ST6GALNAC3: variants seen among roughly 807,000 people sequenced by gnomAD.
ST6GALNAC3 encodes alpha-N-acetylgalactosaminide alpha-2,6-sialyltransferase 3.
A neutral mutation model predicts 32.7 loss-of-function variants in ST6GALNAC3; 25 were observed. That is an observed-to-expected ratio of 0.76 (90% CI 0.56 to 1.07). The LOEUF (loss-of-function observed/expected upper bound fraction) is 1.07. Ranked by LOEUF, ST6GALNAC3 falls within the 50% of genes least tolerant of loss-of-function variation. The pLI is 0.00. For missense variants in ST6GALNAC3, 355 were observed against 382.4 expected, an observed-to-expected ratio of 0.93 and a Z score of 0.60; for synonymous variants, 129 against 133.1, an observed-to-expected ratio of 0.97 and a Z score of 0.21.
At chr1:76,487,355 A>C (rs1001148722) in intron 3 of ST6GALNAC3, among the ~76,000 whole-genome samples, 8 of 152,174 alleles carry the variant, frequency 5.3e-5, no homozygotes, top group African/African-American at 1.9e-4. Context: ...CGTCACTTTC[A>C]GGTACACCAA....
chr1:76,199,803 A>T (rs1429918514), intron 1 of ST6GALNAC3, among the ~76,000 whole-genome samples: 2 of 152,182 alleles, frequency 1.3e-5, no homozygotes, highest in Non-Finnish European at 2.9e-5. Flanking sequence ...TTCCCACATG[A>T]TGTGGAATGT....
intron 3 of ST6GALNAC3, among the ~76,000 whole-genome samples, chr1:76,590,671 A>G (rs1647033653): frequency 6.6e-6 from 1 of 152,218 alleles, no homozygotes. Flanking sequence ...AGCTGAACTC[A>G]TTTATTTAAA....
chr1:76,299,768 C>A (rs1660620436), intron 1 of ST6GALNAC3, among the ~76,000 whole-genome samples: 3 of 151,854 alleles, frequency 2.0e-5, no homozygotes, highest in Admixed American at 2.0e-4. Flanking sequence ...CTGAATAAAT[C>A]TGAATATTTT....
chr1:76,404,068 T>A (rs1653632647), intron 2 of ST6GALNAC3, among the ~76,000 whole-genome samples: 1 of 151,982 alleles, frequency 6.6e-6, no homozygotes, highest in South Asian at 2.1e-4. Context: ...TAGCTTTATG[T>A]TGCCTGTTGT....
At chr1:76,313,364 A>C (rs1469273019) in intron 1 of ST6GALNAC3, among the ~76,000 whole-genome samples, 1 of 152,178 alleles carries the variant, frequency 6.6e-6, no homozygotes. Context: ...ATAATTACAC[A>C]GTGAAAAAGT....
At chr1:76,155,945 C>A (rs1166774837) in intron 1 of ST6GALNAC3, among the ~76,000 whole-genome samples, 1 of 152,110 alleles carries the variant, frequency 6.6e-6, no homozygotes, top group Non-Finnish European at 1.5e-5. Context: ...GCTCCGGGAG[C>A]CTACCCAGGA....
At chr1:76,174,190 C>G (rs1652701845) in intron 1 of ST6GALNAC3, among the ~76,000 whole-genome samples, 1 of 152,154 alleles carries the variant, frequency 6.6e-6, no homozygotes, top group South Asian at 2.1e-4. Flanking sequence ...TTTGCAGGAA[C>G]ATCATCCTCA....
rs143160322 is a variant in ST6GALNAC3 at position 76,128,401 on chromosome 1, G to A, written c.18+53517G>A. Among the ~76,000 whole-genome samples the A allele has an allele frequency of 3.9e-4, 59 of 152,302 alleles. No individual in the cohort carries two copies. In the East Asian group the frequency reaches 7.7e-3, roughly 20 times the overall value. On this transcript the variant is annotated intron_variant, in intron 1 of 4. Transcript: ENST00000328299. ...TGCCATATGATGAATACACTTAAGC[G>A]GTAGCAGAAAGTTGTGTCTCCAGAA...
chr1:76,380,512 AATG>A (rs2101112084), intron 2 of ST6GALNAC3, among the ~76,000 whole-genome samples: 1 of 152,328 alleles, frequency 6.6e-6, no homozygotes, highest in South Asian at 2.1e-4. Flanking sequence ...CATGTACATA[AATG>A]TTTATAGCAG....
intron 2 of ST6GALNAC3, chr1:76,354,007 CT>C: frequency 5.8e-6 from 1 of 172,224 alleles, no homozygotes; most frequent in Non-Finnish European, 1.3e-5. Context: ...CCCAGGCTCC[CT>C]TTCAAACACC....
rs928982218 is a variant in ST6GALNAC3, at chr1:76,509,547, G to A, written c.623+97130G>A. On this transcript the variant is annotated intron_variant, in intron 3 of 4. Coordinates refer to ENST00000328299, the MANE Select transcript of ST6GALNAC3 (RefSeq NM_152996.4). This position sits in a 1 kb window ranked among gnomAD's most constrained non-coding sequence, Gnocchi z 5.5. ...AATGATTTATACCAACGAGATTTGAGTTAGGGGAATGTGTTAGTTTTCTAT... is the reference window on the plus strand; with the variant it reads ...AATGATTTATACCAACGAGATTTGAATTAGGGGAATGTGTTAGTTTTCTAT... 6.6e-6 allele frequency among the ~76,000 whole-genome samples: 1 copy of A among 152,182 alleles called. No homozygotes were observed. Among genetic ancestry groups the A allele is most frequent in the Non-Finnish European group, 1.5e-5 (1 of 68,020 alleles).
Position 76,269,339 on chromosome 1 carries a change from G to A in ST6GALNAC3, c.19-44466G>A, listed in dbSNP as rs1658710172. The stretch of plus-strand genomic sequence containing the variant: ...CCAACATGGGTGTTTCCTGACGCCA[G>A]GCAAGTAATGTAATATAATGACTCA... On this transcript the variant is annotated intron_variant, in intron 1 of 4. Transcript: ENST00000328299. 3.3e-5 allele frequency among the ~76,000 whole-genome samples: 5 copies of A among 152,200 alleles called. No homozygotes were observed. In the South Asian group the frequency reaches 1.0e-3, roughly 32 times the overall value.
intron 1 of ST6GALNAC3, among the ~76,000 whole-genome samples, chr1:76,112,597 C>T (rs543225326): frequency 8.6e-5 from 13 of 151,472 alleles, no homozygotes; most frequent in Non-Finnish European, 1.3e-4. Context: ...GGCTGCCGCG[C>T]GGAGGGGCTC....
chr1:76,598,194 TCA>T (rs2100614604), intron 3 of ST6GALNAC3, among the ~76,000 whole-genome samples: 1 of 152,240 alleles, frequency 6.6e-6, no homozygotes, highest in South Asian at 2.1e-4. Context: ...GGCTCCACTC[TCA>T]CAGCCTAATG....
chr1:76,331,595 A>C (rs886976046), intron 2 of ST6GALNAC3, among the ~76,000 whole-genome samples: 2 of 152,184 alleles, frequency 1.3e-5, no homozygotes, highest in Admixed American at 1.3e-4. Context: ...CTGACCAATC[A>C]TTTGTTTCAC....
chr1:76,611,019 G>T (rs1467244577), intron 3 of ST6GALNAC3, among the ~76,000 whole-genome samples: 1 of 151,986 alleles, frequency 6.6e-6, no homozygotes, highest in South Asian at 2.1e-4. Flanking sequence ...TTTCTAAAAG[G>T]TGGGGCATAC....
intron 1 of ST6GALNAC3, among the ~76,000 whole-genome samples, chr1:76,250,955 A>G (rs1386270185): frequency 6.6e-6 from 1 of 152,160 alleles, no homozygotes; most frequent in Non-Finnish European, 1.5e-5. Flanking sequence ...ATCAAACTTG[A>G]TGATTTTCAA....
intron 2 of ST6GALNAC3, among the ~76,000 whole-genome samples, chr1:76,344,771 G>A (rs1274005593): frequency 6.6e-6 from 1 of 152,164 alleles, no homozygotes; most frequent in Non-Finnish European, 1.5e-5. Context: ...GTATAGTAAA[G>A]GCTGAGTAAA....
intron 1 of ST6GALNAC3, among the ~76,000 whole-genome samples, chr1:76,207,554 G>A (rs1025914797): frequency 6.6e-6 from 1 of 152,204 alleles, no homozygotes; most frequent in Non-Finnish European, 1.5e-5. Context: ...CAAGACAGAA[G>A]GCATCACGTG....
Sources: allele counts gnomAD v4.1 joint callset (sites outside exome capture counted in the v4.1 genomes callset), GRCh38; gene constraint gnomAD v4.1.1; non-coding constraint Gnocchi (gnomAD v3.1); transcripts MANE v1.5; gene names NCBI Gene and HGNC (gene_info 2026-07-23, HGNC 2026-07-21).